The following DNAH17 variants were observed in gnomAD, a reference collection of about 807,000 sequenced individuals.
DNAH17 encodes dynein axonemal heavy chain 17.
DNAH17 carries 376 observed loss-of-function variants against 485.6 expected under a neutral mutation model. The ratio of observed to expected loss-of-function variants is 0.77; its 90% CI spans 0.71 to 0.84. The LOEUF (loss-of-function observed/expected upper bound fraction) is 0.84, where lower values mean the gene tolerates loss of function less well. Ranked by LOEUF, DNAH17 falls within the 40% of genes least tolerant of loss-of-function variation. The pLI is 0.00. For missense variants in DNAH17, 6,370 were observed against 5,839.3 expected (o/e 1.09, Z -2.96); for synonymous variants, 3,031 against 2,405.9 (o/e 1.26, Z -7.60).
chr17:78,437,397 CTA>C lies in DNAH17; in HGVS notation c.12033+242_12033+243del, dbSNP rs60154198. 0.017 allele frequency among the ~76,000 whole-genome samples: 2,588 copies of C among 152,364 alleles called. 67 individuals carry two copies. The highest frequency in any genetic ancestry group is 0.056 in the African/African-American group (2,308 of 41,572). On this transcript the variant is annotated intron_variant, in intron 74 of 80. Coordinates refer to ENST00000389840, the MANE Select transcript of DNAH17 (RefSeq NM_173628.4). ...GCAGGTTCATAGAACTGATTAAAAA[CTA>C]TGTGTTTCTGCATCTACAGCTTTAA...
intron 75 of DNAH17, among the ~76,000 whole-genome samples, chr17:78,430,320 GAT>G (rs1424593565): frequency 9.3e-6 from 1 of 107,794 alleles, no homozygotes; most frequent in African/African-American, 3.5e-5. Context: ...ATAAAAATAA[GAT>G]AATTGATTCT....
intron 75 of DNAH17, among the ~76,000 whole-genome samples, chr17:78,429,595 C>T (rs377168097): frequency 2.6e-5 from 4 of 152,244 alleles, no homozygotes; most frequent in African/African-American, 9.6e-5. Flanking sequence ...GCATGCTCTG[C>T]ACCTCCCGTG....
rs1489171041 is a variant in DNAH17, at chr17:78,428,674, G to A, written c.12439C>T (p.Pro4147Ser). The A allele has an allele frequency of 1.4e-5, 22 of 1,613,922 alleles. No homozygotes were observed. Among genetic ancestry groups the A allele is most frequent in the Non-Finnish European group, 1.9e-5 (22 of 1,179,890 alleles). ...AGGCCATACAGATAGGGACTCTCAG[G>A]GGGCAGGTTCTCATCGATGTATTCG... ...YHEYIDENLP[P>S]ESPYLYGLHP... The change falls in exon 77 of 81, where the codon CCT (proline) becomes TCT (serine). Residue 4147 changes from proline (P) to serine (S), a missense_variant. By Grantham distance (74) the Pro-to-Ser change is moderately conservative. Coordinates refer to ENST00000389840, the MANE Select transcript of DNAH17 (RefSeq NM_173628.4).
intron 51 of DNAH17, 151 bp downstream of exon 51, chr17:78,478,862 CACCACCACCATT>C (rs2089224792): frequency 1.6e-6 from 1 of 624,784 alleles, no homozygotes; most frequent in African/African-American, 1.9e-5. Context: ...CTACCACTGT[CACCACCACCATT>C]ACCATCACCA....
intron 3 of DNAH17, 60 bp downstream of exon 3, chr17:78,572,641 G>A (rs1334119700): frequency 7.5e-7 from 1 of 1,325,750 alleles, no homozygotes; most frequent in African/African-American, 1.5e-5. Context: ...TGGGGGGTGG[G>A]GGTCAAGCAT....
At chr17:78,505,172 G>A (rs1598606860) in intron 31 of DNAH17, 121 bp downstream of exon 31, 1 of 1,307,258 alleles carries the variant, frequency 7.6e-7, no homozygotes, top group Non-Finnish European at 1.0e-6. Flanking sequence ...AGAGGAGCAG[G>A]GGCGGGCTGG....
intron 26 of DNAH17, 177 bp from the exon 27 acceptor site, chr17:78,510,683 C>A (rs2090610577): frequency 2.6e-6 from 2 of 756,500 alleles, no homozygotes; most frequent in Non-Finnish European, 4.2e-6. Context: ...GTGACTTCTC[C>A]AAGCCTCACC....
chr17:78,481,519 C>T (rs1433511372), intron 48 of DNAH17, among the ~76,000 whole-genome samples: 3 of 152,142 alleles, frequency 2.0e-5, no homozygotes, highest in African/African-American at 2.4e-5. Flanking sequence ...TCCAGCTCTT[C>T]CCCTAAGCAG....
At position 78,537,458 on chromosome 17, in the gene DNAH17, C is replaced by T. The variant is rs577056872; in HGVS notation, c.2700G>A (p.Glu900=). ...CATCCTCGTCCAGCTCCATGCGGAT[C>T]TCAAACAGGGGAGCGATACTCTCCT... ...VIDESIAPLF[E]IRMELDEDGL... Residue 900 remains glutamate (E), a synonymous_variant, in exon 19 of 81, where the codon GAG becomes GAA. Coordinates refer to ENST00000389840, the MANE Select transcript of DNAH17 (RefSeq NM_173628.4). 35 of 1,613,432 alleles carry T rather than the reference C, an allele frequency of 2.2e-5. No individual in the cohort carries two copies. In the East Asian group the frequency reaches 7.4e-4, roughly 34 times the overall value.
Position 78,450,022 on chromosome 17 carries a change from G to A in DNAH17, c.11040+232C>T, listed in dbSNP as rs1438388521. The A allele has an allele frequency of 1.1e-5, 6 of 563,276 alleles. No homozygotes were observed. The East Asian group carries it at 1.5e-4, about 14-fold the overall frequency. The allele number at this position is 563,276 out of a possible 1,614,324, so 34.9% of individuals were successfully genotyped here. On this transcript the variant is annotated intron_variant, in intron 68 of 80. Coordinates refer to ENST00000389840, the MANE Select transcript of DNAH17 (RefSeq NM_173628.4). ...TTGTGAGTGCCTGGAGGCACCAGGG[G>A]AAGAGCAGGGAGGAGGGAGCAGCTC... is the stretch of plus-strand genomic sequence containing the variant.
intron 71 of DNAH17, among the ~76,000 whole-genome samples, chr17:78,442,022 G>A (rs2087095167): frequency 6.6e-6 from 1 of 152,050 alleles, no homozygotes; most frequent in South Asian, 2.1e-4. Context: ...GGCAGAGGTT[G>A]CAGTGAGGTG....
chr17:78,569,292 A>G (rs751704947), intron 8 of DNAH17, 40 bp from the exon 9 acceptor site: 3 of 1,597,300 alleles, frequency 1.9e-6, no homozygotes. Flanking sequence ...CGTTTGCTTC[A>G]AATGTCCCAA....
chr17:78,454,433 A>T, intron 64 of DNAH17, 37 bp downstream of exon 64: 1 of 1,552,462 alleles, frequency 6.4e-7, no homozygotes, highest in Non-Finnish European at 8.8e-7. Context: ...TTCCAAGCAG[A>T]GCCGGGCTTC....
intron 69 of DNAH17, 87 bp downstream of exon 69, chr17:78,449,327 A>C: frequency 7.1e-7 from 1 of 1,404,850 alleles, no homozygotes; most frequent in African/African-American, 1.4e-5. Flanking sequence ...GTGGGGGCCC[A>C]ACAATCTGCC....
At chr17:78,537,011 T>TAA (rs199913225) in intron 19 of DNAH17, among the ~76,000 whole-genome samples, 3 of 149,814 alleles carry the variant, frequency 2.0e-5, no homozygotes, top group African/African-American at 7.4e-5. Context: ...CAGTCTCTAC[T>TAA]AAAAAAAAAT....
At chr17:78,461,292 G>A (rs148439583) in intron 58 of DNAH17, among the ~76,000 whole-genome samples, 285 of 152,334 alleles carry the variant, frequency 1.9e-3, no homozygotes, top group African/African-American at 6.4e-3. Context: ...GGCTGCCGCT[G>A]TAGGCTGGGG....
chr17:78,435,571 C>A (rs2086827769), intron 74 of DNAH17, among the ~76,000 whole-genome samples: 1 of 152,206 alleles, frequency 6.6e-6, no homozygotes, highest in African/African-American at 2.4e-5. Flanking sequence ...CAGTCCCTGC[C>A]TCAGTGCCCC....
chr17:78,563,022 C>T (rs1406783117), intron 11 of DNAH17, among the ~76,000 whole-genome samples: 1 of 152,206 alleles, frequency 6.6e-6, no homozygotes, highest in Non-Finnish European at 1.5e-5. Flanking sequence ...AGACTTGGGT[C>T]TGAGAAAGGT....
At position 78,487,017 on chromosome 17, in the gene DNAH17, T is replaced by G. The variant is rs1037608843; in HGVS notation, c.6819-511A>C. Among the ~76,000 whole-genome samples the G allele has an allele frequency of 6.1e-4, 91 of 149,848 alleles. 1 individual carries two copies. Among genetic ancestry groups the G allele is most frequent in the African/African-American group, 2.2e-3 (88 of 40,568 alleles). ...TTTTTTTTTTTTTTTTAAGCTTCAGTTAGTTTGAGTTGAATTTGCCATGTT... is the reference window on the plus strand; with the variant it reads ...TTTTTTTTTTTTTTTTAAGCTTCAGGTAGTTTGAGTTGAATTTGCCATGTT... On this transcript the variant is annotated intron_variant, in intron 44 of 80. Coordinates refer to ENST00000389840, the MANE Select transcript of DNAH17 (RefSeq NM_173628.4).
Sources: allele counts gnomAD v4.1 joint callset (sites outside exome capture counted in the v4.1 genomes callset), GRCh38; gene constraint gnomAD v4.1.1; transcripts MANE v1.5; gene names NCBI Gene and HGNC (gene_info 2026-07-23, HGNC 2026-07-21).